Variants in RDX observed in about 807,000 individuals in gnomAD.
RDX encodes the protein deafness, autosomal recessive 24.
Under a neutral mutation model 83.7 loss-of-function variants are expected in RDX, and 32 were observed. The observed-to-expected ratio is 0.38, with a 90% confidence interval of 0.29 to 0.51. The LOEUF (loss-of-function observed/expected upper bound fraction) is 0.51. RDX is among the 20% of genes least tolerant of loss of function. RDX has a pLI of 0.87. For synonymous variants in RDX, 229 were observed against 222.7 expected, an observed-to-expected ratio of 1.03 and a Z score of -0.25; for missense variants, 600 against 689.9, an observed-to-expected ratio of 0.87 and a Z score of 1.46.
At chr11:110,292,104 C>T (rs1209296927) in intron 1 of RDX, among the ~76,000 whole-genome samples, 1 of 152,080 alleles carries the variant, frequency 6.6e-6, no homozygotes, top group Non-Finnish European at 1.5e-5. Flanking sequence ...ACCAGCCTGG[C>T]CAACATGGTA....
intron 12 of RDX, among the ~76,000 whole-genome samples, chr11:110,234,660 T>C (rs1565305960): frequency 6.6e-6 from 1 of 152,176 alleles, no homozygotes; most frequent in Non-Finnish European, 1.5e-5. Flanking sequence ...TGTCTCTAAA[T>C]TTCATAAATC....
At chr11:110,294,045 A>G (rs867725028) in intron 1 of RDX, among the ~76,000 whole-genome samples, 1 of 152,252 alleles carries the variant, frequency 6.6e-6, no homozygotes, top group Non-Finnish European at 1.5e-5. Flanking sequence ...AGCAAAATAA[A>G]AATATATAAA....
At position 110,236,173 on chromosome 11, in the gene RDX, A is replaced by T. The variant is rs1864842169; in HGVS notation, c.1270T>A (p.Phe424Ile). 2.5e-6 allele frequency: 4 copies of T among 1,612,796 alleles called. No homozygotes were observed. Among genetic ancestry groups the T allele is most frequent in the Non-Finnish European group, 3.4e-6 (4 of 1,179,702 alleles). The change falls in exon 12 of 14, where the codon TTC becomes ATC. Residue 424 changes from phenylalanine to isoleucine, a missense_variant. Coordinates refer to ENST00000645495, the MANE Select transcript of RDX (RefSeq NM_002906.4). ...TCTAGAAGTGCAATCTTGGCAGTGA[A>T]TTCAGCAAGTTCTGCTGCCTAAAGT... ...QEQLAAELAE[F>I]TAKIALLEEA...
intron 14 of RDX, among the ~76,000 whole-genome samples, chr11:110,201,501 C>T (rs949298237): frequency 6.6e-6 from 1 of 151,706 alleles, no homozygotes; most frequent in African/African-American, 2.4e-5. Flanking sequence ...TCAGAAATTT[C>T]CAAGCTTTGC....
intron 15 of RDX, among the ~76,000 whole-genome samples, chr11:110,186,195 G>A (rs1353204162): frequency 1.3e-5 from 2 of 152,170 alleles, no homozygotes; most frequent in African/African-American, 4.8e-5. Context: ...GAAGAAAAGT[G>A]GGTTCTTGTT....
At chr11:110,272,199 G>A (rs956603571) in intron 3 of RDX, among the ~76,000 whole-genome samples, 7 of 152,168 alleles carry the variant, frequency 4.6e-5, no homozygotes, top group African/African-American at 1.4e-4. Context: ...TTTCACTCCT[G>A]CTGTTCCTTC....
At chr11:110,295,277 C>T (rs1861399383) in intron 1 of RDX, among the ~76,000 whole-genome samples, 1 of 141,596 alleles carries the variant, frequency 7.1e-6, no homozygotes, top group Non-Finnish European at 1.5e-5. Flanking sequence ...TTCTTAGCTC[C>T]ATCAGTCATA....
intron 14 of RDX, among the ~76,000 whole-genome samples, chr11:110,211,421 TCAA>T (rs1460858692): frequency 6.7e-6 from 1 of 150,026 alleles, no homozygotes; most frequent in African/African-American, 2.5e-5. Flanking sequence ...ATTAGACAGA[TCAA>T]CGAGACAGAA....
chr11:110,241,772 C>T (rs951071636), intron 10 of RDX, among the ~76,000 whole-genome samples: 3 of 152,224 alleles, frequency 2.0e-5, no homozygotes, highest in African/African-American at 7.2e-5. Context: ...TTCACAATAA[C>T]TAAAACACAA....
At chr11:110,212,830 G>T (rs200060947) in intron 14 of RDX, among the ~76,000 whole-genome samples, 22,056 of 141,548 alleles carry the variant, frequency 0.16, 503 homozygotes, top group Middle Eastern at 0.24. Context: ...TTGATGGGAT[G>T]TATTTCAAAA....
At chr11:110,183,229 C>T (rs542135414) in intron 15 of RDX, among the ~76,000 whole-genome samples, 1 of 152,148 alleles carries the variant, frequency 6.6e-6, no homozygotes, top group South Asian at 2.1e-4. Context: ...TCAGAGGTGG[C>T]GATGCAGCCC....
At chr11:110,211,669 G>T (rs1863843494) in intron 14 of RDX, among the ~76,000 whole-genome samples, 1 of 142,080 alleles carries the variant, frequency 7.0e-6, no homozygotes, top group African/African-American at 2.6e-5. Flanking sequence ...TAGAACTCAG[G>T]ATTAAGAATC....
chr11:110,238,204 T>C (rs1591138144), intron 10 of RDX, among the ~76,000 whole-genome samples: 1 of 152,328 alleles, frequency 6.6e-6, no homozygotes, highest in African/African-American at 2.4e-5. Flanking sequence ...GGAATTTTGA[T>C]GTGATTATAT....
chr11:110,192,145 G>C (rs1226025679), intron 15 of RDX, among the ~76,000 whole-genome samples: 1 of 152,142 alleles, frequency 6.6e-6, no homozygotes. Flanking sequence ...TATACTGTAA[G>C]GCTGCCATAA....
chr11:110,284,371 G>A (rs1349248561), intron 1 of RDX, among the ~76,000 whole-genome samples: 1 of 152,148 alleles, frequency 6.6e-6, no homozygotes, highest in African/African-American at 2.4e-5. Context: ...TTGATACTAT[G>A]TGATAACATG....
intron 3 of RDX, among the ~76,000 whole-genome samples, chr11:110,269,259 T>G (rs1177289749): frequency 6.6e-6 from 1 of 152,184 alleles, no homozygotes; most frequent in East Asian, 1.9e-4. Flanking sequence ...ATTACAGGTG[T>G]GGGCCACCAA....
intron 14 of RDX, among the ~76,000 whole-genome samples, chr11:110,221,818 G>C (rs1196959950): frequency 6.6e-6 from 1 of 152,080 alleles, no homozygotes; most frequent in Non-Finnish European, 1.5e-5. Context: ...TTTTATCTCA[G>C]TTTTTCTTCT....
rs760350535 is a variant in RDX at position 110,236,090 on chromosome 11, A to C, written c.1344+9T>G. 3 of 1,589,926 alleles carry C rather than the reference A, an allele frequency of 1.9e-6. No homozygotes were observed. Among genetic ancestry groups the C allele is most frequent in the Non-Finnish European group, 1.7e-6 (2 of 1,159,754 alleles). ...TTCAATAAAAGCTAGTAAATGAATA[A>C]ATGATTACTTTGTGTTGCCACTCAG... On this transcript the variant is annotated intron_variant, in intron 12 of 13. Coordinates refer to ENST00000645495, the MANE Select transcript of RDX (RefSeq NM_002906.4).
At chr11:110,211,500 G>T (rs1228481037) in intron 14 of RDX, among the ~76,000 whole-genome samples, 1 of 151,392 alleles carries the variant, frequency 6.6e-6, no homozygotes, top group Admixed American at 6.6e-5. Flanking sequence ...GACATCTACA[G>T]AACTCTCCAC....
Sources: gnomAD v4.1 joint callset for allele counts (sites outside exome capture counted in the v4.1 genomes callset) on GRCh38, gnomAD v4.1.1 for gene constraint, MANE v1.5 for transcripts, NCBI Gene and HGNC (gene_info 2026-07-23, HGNC 2026-07-21) for gene names.